CCNB3: variants seen among roughly 807,000 people sequenced by gnomAD.
CCNB3 encodes the protein cyclin B3.
Under a neutral mutation model 68.0 loss-of-function variants are expected in CCNB3, and 12 were observed. The observed-to-expected ratio is 0.18, with a 90% CI of 0.11 to 0.29. The LOEUF is 0.29. Among genes scored for constraint, CCNB3 ranks in the 10% least tolerant of loss-of-function variants. The probability of loss-of-function intolerance (pLI) is 1.00; values close to 1 mark genes in which losing one functional copy is unlikely to be tolerated. For missense variants in CCNB3, 904 were observed against 993.1 expected, an observed-to-expected ratio of 0.91 and a Z score of 1.21; for synonymous variants, 354 against 388.9, an observed-to-expected ratio of 0.91 and a Z score of 1.06.
intron 9 of CCNB3, 90 bp downstream of exon 9, chrX:50,342,429 G>A: frequency 1.1e-6 from 1 of 921,813 alleles, no homozygotes; most frequent in Non-Finnish European, 1.5e-6. Flanking sequence ...TCATTGTTAT[G>A]TGCTGCATAA....
At chrX:50,283,884 C>CA (rs1569542325) in intron 1 of CCNB3, among the ~76,000 whole-genome samples, 2 of 100,370 alleles carry the variant, frequency 2.0e-5, no homozygotes, top group Non-Finnish European at 4.1e-5. Context: ...TTTTTCTTTT[C>CA]TTTTTTTTTT....
At chrX:50,333,202 C>G (rs1449269508) in intron 8 of CCNB3, among the ~76,000 whole-genome samples, 9 of 111,241 alleles carry the variant, frequency 8.1e-5, no homozygotes, top group Non-Finnish European at 1.1e-4. Flanking sequence ...AAATGCTGGC[C>G]CATTATCCGA....
chrX:50,324,857 T>C (rs1922216286), intron 8 of CCNB3, among the ~76,000 whole-genome samples: 1 of 111,991 alleles, frequency 8.9e-6, no homozygotes, highest in African/African-American at 3.2e-5. Flanking sequence ...TTTTATTTCC[T>C]CTTCGACCCT....
At chrX:50,203,305 A>T (rs1935295219), upstream of CCNB3, among the ~76,000 whole-genome samples, 1 of 112,481 alleles carries the variant, frequency 8.9e-6, no homozygotes, top group Admixed American at 9.4e-5. Flanking sequence ...GAATAATGGC[A>T]AAAGGAAATT....
chrX:50,318,243 G>A (rs900858275), intron 8 of CCNB3, among the ~76,000 whole-genome samples: 2 of 109,493 alleles, frequency 1.8e-5, no homozygotes, highest in East Asian at 5.7e-4. Context: ...GCCAGGAATG[G>A]TGGCTCATGT....
chrX:50,326,299 C>T (rs1922292995), intron 8 of CCNB3, among the ~76,000 whole-genome samples: 1 of 111,711 alleles, frequency 9.0e-6, no homozygotes, highest in South Asian at 3.8e-4. Context: ...AATATATTGT[C>T]TTCCCTATGG....
chrX:50,286,707 T>A (rs1450670860), intron 3 of CCNB3, among the ~76,000 whole-genome samples: 2 of 107,126 alleles, frequency 1.9e-5, no homozygotes, highest in African/African-American at 6.8e-5. Context: ...TGGAGTGCAG[T>A]GACACGATCT....
Position 50,219,298 on chromosome X carries a change from G to T in CCNB3, c.-113+14348G>T, listed in dbSNP as rs966514647. ...AATTAGATCCAATTTGTCAATTTTG[G>T]CTTTTGTTGCCATTGCTTTTGGTGT... On this transcript the variant is annotated intron_variant, in intron 1 of 12. Coordinates refer to ENST00000376042, the MANE Select transcript of CCNB3 (RefSeq NM_033031.3). Among the ~76,000 whole-genome samples the T allele has an allele frequency of 9.8e-4, 109 of 111,212 alleles. 1 individual carries two copies. The highest frequency in any genetic ancestry group is 9.3e-3 in the Middle Eastern group (2 of 215).
At chrX:50,225,729 A>G (rs1391981658) in intron 1 of CCNB3, among the ~76,000 whole-genome samples, 11 of 108,975 alleles carry the variant, frequency 1.0e-4, no homozygotes, top group African/African-American at 3.7e-4. Flanking sequence ...AAAAGGTTTG[A>G]TGTGGTATCA....
chrX:50,295,716 G>T (rs1423649266), intron 5 of CCNB3, among the ~76,000 whole-genome samples: 1 of 111,519 alleles, frequency 9.0e-6, no homozygotes, highest in South Asian at 3.8e-4. Flanking sequence ...TTATTTGCTA[G>T]CCAGAAGGCC....
At chrX:50,279,947 A>G (rs1448540849) in intron 1 of CCNB3, among the ~76,000 whole-genome samples, 1 of 85,065 alleles carries the variant, frequency 1.2e-5, no homozygotes, top group Non-Finnish European at 2.1e-5. Flanking sequence ...TTTATAATAT[A>G]TATAGAATAT....
chrX:50,224,403 C>T lies in CCNB3; in HGVS notation c.-113+19453C>T, dbSNP rs1169777382. 2.7e-5 allele frequency among the ~76,000 whole-genome samples: 3 copies of T among 111,641 alleles called. 1 individual carries two copies. Among genetic ancestry groups the T allele is most frequent in the Non-Finnish European group, 5.7e-5 (3 of 53,090 alleles). On this transcript the variant is annotated intron_variant, in intron 1 of 12. Transcript: ENST00000376042. ...AATTGTGGAGTCAAAGGGCTGTCTTCTCTTTCCTCAGTGTCCTCTCTGGAT... is the reference window on the plus strand; with the variant it reads ...AATTGTGGAGTCAAAGGGCTGTCTTTTCTTTCCTCAGTGTCCTCTCTGGAT...
intron 6 of CCNB3, 97 bp from the exon 7 acceptor site, chrX:50,312,440 A>G (rs1921513274): frequency 1.4e-6 from 1 of 699,686 alleles, no homozygotes. Flanking sequence ...TTAGCAGAAG[A>G]AGACAGTGGG....
In CCNB3 at chrX:50,299,091, A is replaced by G. The variant is rs188860948; in HGVS notation, c.335+4098A>G. 6.8e-3 allele frequency among the ~76,000 whole-genome samples: 761 copies of G among 111,360 alleles called. 19 individuals carry two copies. The highest frequency in any genetic ancestry group is 0.054 in the Admixed American group (571 of 10,487). ...ATCTTTTCAAAAAACCAGCTCCTGG[A>G]TTCATTGATTTTTTGAAGGGATTTT... On this transcript the variant is annotated intron_variant, in intron 5 of 12. Transcript: ENST00000376042.
chrX:50,205,701 A>T (rs1320879241), intron 1 of CCNB3, among the ~76,000 whole-genome samples: 7 of 110,451 alleles, frequency 6.3e-5, no homozygotes, highest in African/African-American at 2.3e-4. Context: ...CACGCCTGTA[A>T]TCCCAGCACT....
intron 5 of CCNB3, among the ~76,000 whole-genome samples, chrX:50,299,619 G>A (rs781858798): frequency 5.5e-4 from 61 of 110,999 alleles, no homozygotes; most frequent in African/African-American, 1.9e-3. Flanking sequence ...GTTGATTTTG[G>A]GTGGAGAGTT....
chrX:50,307,453 G>A (rs781871963), intron 5 of CCNB3, among the ~76,000 whole-genome samples: 2 of 111,293 alleles, frequency 1.8e-5, no homozygotes, highest in Non-Finnish European at 3.8e-5. Context: ...TCTTACCATA[G>A]CTAGACTATC....
At chrX:50,279,735 A>T (rs929466161) in intron 1 of CCNB3, among the ~76,000 whole-genome samples, 4 of 90,564 alleles carry the variant, frequency 4.4e-5, no homozygotes, top group African/African-American at 1.6e-4. Context: ...AATATATATG[A>T]TTATGTATAT....
chrX:50,220,308 A>T (rs1478293529), intron 1 of CCNB3, among the ~76,000 whole-genome samples: 1 of 111,554 alleles, frequency 9.0e-6, no homozygotes, highest in Non-Finnish European at 1.9e-5. Context: ...TACTATGCTG[A>T]ATAGGAGTGG....
Sources: allele counts gnomAD v4.1 joint callset (sites outside exome capture counted in the v4.1 genomes callset), GRCh38; gene constraint gnomAD v4.1.1; transcripts MANE v1.5; gene names NCBI Gene and HGNC (gene_info 2026-07-23, HGNC 2026-07-21).